RALGAPA2: variants seen among roughly 807,000 people sequenced by gnomAD.
RALGAPA2 encodes the protein ral GTPase-activating protein subunit alpha-2.
In RALGAPA2, 139 loss-of-function variants were observed where a neutral mutation model predicts 230.4. The observed-to-expected ratio is 0.60, with a 90% CI of 0.53 to 0.69. The LOEUF (loss-of-function observed/expected upper bound fraction) is 0.69. RALGAPA2 is among the 30% of genes least tolerant of loss of function. The pLI is 0.00. For synonymous variants in RALGAPA2, 847 were observed against 837.8 expected, an observed-to-expected ratio of 1.01 and a Z score of -0.19; for missense variants, 2,163 against 2,276.0, an observed-to-expected ratio of 0.95 and a Z score of 1.01.
chr20:20,677,589 G>A (rs1039449242), intron 2 of RALGAPA2, among the ~76,000 whole-genome samples: 3 of 136,218 alleles, frequency 2.2e-5, no homozygotes, highest in African/African-American at 8.4e-5. Context: ...ATGAGAACCC[G>A]TTTGAAACTT....
At chr20:20,601,435 C>T (rs957816775) in intron 16 of RALGAPA2, among the ~76,000 whole-genome samples, 14 of 152,200 alleles carry the variant, frequency 9.2e-5, no homozygotes, top group African/African-American at 3.1e-4. Context: ...TTCTCTATTT[C>T]GCACAAATAT....
intron 38 of RALGAPA2, among the ~76,000 whole-genome samples, chr20:20,407,842 T>C (rs2059977587): frequency 6.6e-6 from 1 of 152,256 alleles, no homozygotes; most frequent in Non-Finnish European, 1.5e-5. Flanking sequence ...TTTTGTGCAG[T>C]AGCAGGAATG....
At chr20:20,615,891 T>C (rs915047047) in intron 13 of RALGAPA2, among the ~76,000 whole-genome samples, 152 bp downstream of exon 13, 5 of 152,246 alleles carry the variant, frequency 3.3e-5, no homozygotes, top group Non-Finnish European at 7.3e-5. Flanking sequence ...ACTGGGTAAC[T>C]ACCTTCTTCA....
intron 5 of RALGAPA2, among the ~76,000 whole-genome samples, chr20:20,641,150 C>T (rs549780211): frequency 6.6e-6 from 1 of 152,270 alleles, no homozygotes; most frequent in African/African-American, 2.4e-5. Flanking sequence ...TTCTCCATGC[C>T]TTAGTCTCCC....
intron 20 of RALGAPA2, among the ~76,000 whole-genome samples, chr20:20,578,992 T>G (rs1371237636): frequency 1.3e-5 from 2 of 152,154 alleles, no homozygotes; most frequent in African/African-American, 4.8e-5. Flanking sequence ...CACATCAAAG[T>G]CTGGTGGAAA....
intron 16 of RALGAPA2, among the ~76,000 whole-genome samples, chr20:20,597,544 A>G (rs1282903994): frequency 6.6e-6 from 1 of 152,182 alleles, no homozygotes; most frequent in Non-Finnish European, 1.5e-5. Context: ...ATAGTTTAGT[A>G]CTACAGAAAG....
chr20:20,593,472 A>T (rs747116586), intron 16 of RALGAPA2, among the ~76,000 whole-genome samples: 2 of 152,244 alleles, frequency 1.3e-5, no homozygotes, highest in Non-Finnish European at 2.9e-5. Flanking sequence ...CAGCAACAGA[A>T]GCCAAATAAC....
chr20:20,683,333 A>G (rs2068587762), intron 1 of RALGAPA2, among the ~76,000 whole-genome samples: 1 of 152,172 alleles, frequency 6.6e-6, no homozygotes, highest in African/African-American at 2.4e-5. Flanking sequence ...TAATAGAGTC[A>G]GTCAAATCAG....
intron 19 of RALGAPA2, among the ~76,000 whole-genome samples, chr20:20,584,405 C>T (rs2065072766): frequency 6.6e-6 from 1 of 152,160 alleles, no homozygotes; most frequent in African/African-American, 2.4e-5. Flanking sequence ...AGACAGGCCT[C>T]TCAAGGTACG....
intron 24 of RALGAPA2, among the ~76,000 whole-genome samples, chr20:20,538,113 C>A (rs1301793619): frequency 1.3e-5 from 2 of 152,212 alleles, no homozygotes; most frequent in South Asian, 4.1e-4. Flanking sequence ...AACAGCTACA[C>A]ACAATTCAGT....
At chr20:20,585,139 A>T (rs1302313386) in intron 18 of RALGAPA2, among the ~76,000 whole-genome samples, 184 bp from the exon 19 acceptor site, 2 of 152,198 alleles carry the variant, frequency 1.3e-5, no homozygotes, top group African/African-American at 2.4e-5. Flanking sequence ...GTTACTCAAG[A>T]TCTGAAACTT....
At chr20:20,669,464 G>A (rs536981176) in intron 3 of RALGAPA2, among the ~76,000 whole-genome samples, 1 of 152,172 alleles carries the variant, frequency 6.6e-6, no homozygotes, top group African/African-American at 2.4e-5. Flanking sequence ...TCCCAAATCC[G>A]TAACCCCAAC....
At chr20:20,560,965 T>C (rs540446629) in intron 23 of RALGAPA2, among the ~76,000 whole-genome samples, 14 of 152,344 alleles carry the variant, frequency 9.2e-5, no homozygotes, top group African/African-American at 3.1e-4. Flanking sequence ...ACCCGTTTCA[T>C]GGAATAAGCA....
chr20:20,545,778 T>C (rs528810595), intron 24 of RALGAPA2, among the ~76,000 whole-genome samples: 33 of 152,334 alleles, frequency 2.2e-4, no homozygotes, highest in Middle Eastern at 3.4e-3. Flanking sequence ...ATTAAGATAT[T>C]GCTTTGGCCA....
At chr20:20,471,788 A>T (rs1300685048) in intron 37 of RALGAPA2, 1 of 152,152 alleles carries the variant, frequency 6.6e-6, no homozygotes, top group Admixed American at 6.5e-5. Context: ...TGATAATTTT[A>T]AGTTGCCACA....
chr20:20,656,617 TG>T (rs2067597157), intron 3 of RALGAPA2, among the ~76,000 whole-genome samples: 1 of 152,166 alleles, frequency 6.6e-6, no homozygotes, highest in Admixed American at 6.5e-5. Flanking sequence ...ATATAAAAAC[TG>T]GGTTGTTATG....
At chr20:20,465,150 C>CACACACACACACAT (rs2061389699) in intron 37 of RALGAPA2, among the ~76,000 whole-genome samples, 1 of 4,700 alleles carries the variant, frequency 2.1e-4, no homozygotes, top group Non-Finnish European at 7.1e-4. Context: ...CGCAGGCCTT[C>CACACACACACACAT]ACACACACAC....
In RALGAPA2 at chr20:20,572,906, T is replaced by G; in HGVS notation, c.2870A>C (p.Tyr957Ser). The G allele has an allele frequency of 6.4e-7, 1 of 1,561,566 alleles. No individual in the cohort carries two copies. Among genetic ancestry groups the G allele is most frequent in the Non-Finnish European group, 8.7e-7 (1 of 1,152,102 alleles). ...TAGTTTGTACCAGAGTTCATAGAGA[T>G]AGCAGAAAACTCTGGCATGGATCTT... is the stretch of plus-strand genomic sequence containing the variant. ...SPKIHARVFC[Y>S]LYELWYKLAK... Residue 957 changes from tyrosine to serine, a missense_variant, in exon 21 of 40, where the codon TAT (tyrosine) becomes TCT (serine). Physicochemically the swap from Tyr to Ser is moderately radical, Grantham distance 144. Coordinates refer to ENST00000202677, the MANE Select transcript of RALGAPA2 (RefSeq NM_020343.4).
intron 8 of RALGAPA2, among the ~76,000 whole-genome samples, chr20:20,636,018 T>C (rs1706491117): frequency 6.6e-6 from 1 of 152,220 alleles, no homozygotes; most frequent in Admixed American, 6.5e-5. Context: ...TCATTTTAGG[T>C]ATTTTAACAT....
Sources: gnomAD v4.1 joint callset for allele counts (sites outside exome capture counted in the v4.1 genomes callset) on GRCh38, gnomAD v4.1.1 for gene constraint, MANE v1.5 for transcripts, NCBI Gene and HGNC (gene_info 2026-07-23, HGNC 2026-07-21) for gene names.